The following NEURL1 variants were observed in gnomAD, a reference collection of about 807,000 sequenced individuals.
The protein encoded by NEURL1 is neuralized E3 ubiquitin protein ligase 1, also known as E3 ubiquitin-protein ligase NEURL1.
In NEURL1, 26 loss-of-function variants were observed where a neutral mutation model predicts 41.2. That is an observed-to-expected ratio of 0.63 (90% CI 0.46 to 0.87). NEURL1 has a LOEUF of 0.87. Ranked by LOEUF, NEURL1 falls within the 40% of genes least tolerant of loss-of-function variation. NEURL1 has a pLI of 0.00. For synonymous variants in NEURL1, 400 were observed against 402.3 expected, an observed-to-expected ratio of 0.99 and a Z score of 0.07; for missense variants, 761 against 871.1, an observed-to-expected ratio of 0.87 and a Z score of 1.59.
At chr10:103,501,464 A>G (rs993952076) in intron 1 of NEURL1, among the ~76,000 whole-genome samples, 1 of 152,066 alleles carries the variant, frequency 6.6e-6, no homozygotes, top group African/African-American at 2.4e-5. Flanking sequence ...AGCTATGGGC[A>G]GCAGGACCAC....
intron 1 of NEURL1, among the ~76,000 whole-genome samples, chr10:103,501,691 G>A (rs1183625257): frequency 6.7e-6 from 1 of 149,858 alleles, no homozygotes; most frequent in Non-Finnish European, 1.5e-5. Flanking sequence ...GGAGTGCAAT[G>A]GCGTGATCTC....
intron 1 of NEURL1, among the ~76,000 whole-genome samples, chr10:103,503,975 A>G (rs1431717246): frequency 2.0e-5 from 3 of 147,120 alleles, no homozygotes; most frequent in Non-Finnish European, 3.0e-5. Context: ...TTATTTATTT[A>G]TTTATTTATT....
At position 103,569,840 on chromosome 10, in the gene NEURL1, G is replaced by T. The variant is rs147622118; in HGVS notation, c.86-1032G>T. Among the ~76,000 whole-genome samples, 258 of 152,340 alleles carry T rather than the reference G, an allele frequency of 1.7e-3. 1 individual carries two copies. Among genetic ancestry groups the T allele is most frequent in the African/African-American group, 6.0e-3 (249 of 41,574 alleles). On this transcript the variant is annotated intron_variant, in intron 1 of 5. Transcript: ENST00000369780. Reference sequence around the variant, plus strand: ...AGAGACCCGGGGGCTCATGCACAGGGTGTCTGGCTGGCCTGGGGCTTCGGA... The same window carrying T: ...AGAGACCCGGGGGCTCATGCACAGGTTGTCTGGCTGGCCTGGGGCTTCGGA...
chr10:103,555,412 C>A (rs752482725), intron 1 of NEURL1: 1 of 1,358,952 alleles, frequency 7.4e-7, no homozygotes, highest in Non-Finnish European at 9.8e-7. Context: ...GCACTCTCCA[C>A]GGTAAGGCCC....
intron 1 of NEURL1, among the ~76,000 whole-genome samples, chr10:103,527,241 G>A (rs1218011202): frequency 6.7e-6 from 1 of 150,124 alleles, no homozygotes; most frequent in Non-Finnish European, 1.5e-5. Context: ...TGCTATCTTG[G>A]TTTTGGTAGG....
intron 1 of NEURL1, among the ~76,000 whole-genome samples, chr10:103,495,578 G>A (rs866667844): frequency 6.6e-6 from 1 of 152,122 alleles, no homozygotes; most frequent in African/African-American, 2.4e-5. Flanking sequence ...GCCAGACCTC[G>A]GCGCTAGGTG....
At chr10:103,514,615 A>C (rs2034155089) in intron 1 of NEURL1, among the ~76,000 whole-genome samples, 1 of 152,138 alleles carries the variant, frequency 6.6e-6, no homozygotes, top group African/African-American at 2.4e-5. Flanking sequence ...CAGAGAGGGC[A>C]GGGCTGGTGG....
intron 1 of NEURL1, among the ~76,000 whole-genome samples, chr10:103,536,252 T>A (rs2034689138): frequency 6.6e-6 from 1 of 152,216 alleles, no homozygotes; most frequent in Non-Finnish European, 1.5e-5. Flanking sequence ...TTTGTTAAAA[T>A]AACAATGTTG....
At chr10:103,588,435 C>T (rs1221723134) in intron 4 of NEURL1, among the ~76,000 whole-genome samples, 1 of 151,890 alleles carries the variant, frequency 6.6e-6, no homozygotes, top group Non-Finnish European at 1.5e-5. Flanking sequence ...TGTGTGTGTA[C>T]TTGAGGGAGT....
intron 1 of NEURL1, among the ~76,000 whole-genome samples, chr10:103,544,089 G>T (rs1449950243): frequency 6.6e-6 from 1 of 152,210 alleles, no homozygotes; most frequent in African/African-American, 2.4e-5. Flanking sequence ...GCCCTGCAGA[G>T]GGGGACGGAG....
chr10:103,584,014 A>G (rs773864787), intron 3 of NEURL1, among the ~76,000 whole-genome samples: 14 of 152,054 alleles, frequency 9.2e-5, no homozygotes, highest in Non-Finnish European at 1.6e-4. Flanking sequence ...GTAGCCTCAA[A>G]AGGTGATTGT....
rs536387660 is a variant in NEURL1 at position 103,556,221 on chromosome 10, C to T, written c.86-14651C>T. On this transcript the variant is annotated intron_variant, in intron 1 of 5. Transcript: ENST00000369780. This position sits in a 1 kb window ranked among gnomAD's most constrained non-coding sequence, Gnocchi z 4.4. ...TCCTGCTTGCTCCAAACCCTGTCCT[C>T]TTGTTCCCCTAGCTCTAGTACTGTG... Among the ~76,000 whole-genome samples, 16 of 152,362 alleles carry T rather than the reference C, an allele frequency of 1.1e-4. No individual in the cohort carries two copies. Among genetic ancestry groups the T allele is most frequent in the Admixed American group, 9.8e-4 (15 of 15,308 alleles).
At chr10:103,557,373 T>C (rs2035179011) in intron 1 of NEURL1, among the ~76,000 whole-genome samples, 2 of 151,754 alleles carry the variant, frequency 1.3e-5, no homozygotes, top group Non-Finnish European at 2.9e-5. Context: ...CCCAAGGTCA[T>C]ATTCCCTCCC....
chr10:103,551,824 A>T (rs944450762), intron 1 of NEURL1, among the ~76,000 whole-genome samples: 4 of 152,110 alleles, frequency 2.6e-5, no homozygotes, highest in African/African-American at 9.7e-5. Context: ...ACCCTTTTAG[A>T]CTGCAGTGTC....
chr10:103,540,033 G>T (rs2034785522), intron 1 of NEURL1, among the ~76,000 whole-genome samples: 1 of 152,200 alleles, frequency 6.6e-6, no homozygotes, highest in Non-Finnish European at 1.5e-5. Context: ...TTACAGAGCT[G>T]CCACACTAGC....
At chr10:103,565,355 C>T (rs958203689) in intron 1 of NEURL1, among the ~76,000 whole-genome samples, 2 of 152,210 alleles carry the variant, frequency 1.3e-5, no homozygotes, top group Non-Finnish European at 2.9e-5. Context: ...GCTGCTCAGG[C>T]CGGGCCGGGC....
At chr10:103,586,396 C>T (rs917592049) in intron 4 of NEURL1, among the ~76,000 whole-genome samples, 2 of 151,794 alleles carry the variant, frequency 1.3e-5, no homozygotes, top group Non-Finnish European at 2.9e-5. Flanking sequence ...GATTCTTGGA[C>T]CCCCCCTCCA....
chr10:103,557,043 G>A (rs1400664332), intron 1 of NEURL1, among the ~76,000 whole-genome samples: 1 of 152,178 alleles, frequency 6.6e-6, no homozygotes, highest in African/African-American at 2.4e-5. Context: ...TCTGGGAGTG[G>A]GTAGATATGT....
chr10:103,513,881 G>A (rs1047090617), intron 1 of NEURL1, among the ~76,000 whole-genome samples: 2 of 152,094 alleles, frequency 1.3e-5, no homozygotes, highest in Non-Finnish European at 2.9e-5. Flanking sequence ...GAGGCCGGGG[G>A]AGGGCTGTGG....
Sources: allele counts gnomAD v4.1 joint callset (sites outside exome capture counted in the v4.1 genomes callset), GRCh38; gene constraint gnomAD v4.1.1; non-coding constraint Gnocchi (gnomAD v3.1); transcripts MANE v1.5; gene names NCBI Gene and HGNC (gene_info 2026-07-23, HGNC 2026-07-21).